The following AUTS2 variants were observed in gnomAD, a reference collection of about 807,000 sequenced individuals.
AUTS2 encodes the protein autism susceptibility gene 2 protein.
AUTS2 carries 17 observed loss-of-function variants against 112.4 expected under a neutral mutation model. The ratio of observed to expected loss-of-function variants is 0.15; its 90% CI spans 0.10 to 0.23. The LOEUF is 0.23. Among genes scored for constraint, AUTS2 ranks in the 10% least tolerant of loss-of-function variants. The probability of loss-of-function intolerance (pLI) is 1.00; values close to 1 mark genes in which losing one functional copy is unlikely to be tolerated. For missense variants in AUTS2, 1,510 were observed against 1,701.6 expected, an observed-to-expected ratio of 0.89 and a Z score of 1.98; for synonymous variants, 751 against 702.7, an observed-to-expected ratio of 1.07 and a Z score of -1.09.
At chr7:70,697,560 T>TTCCCC (rs1554464392) in intron 5 of AUTS2, among the ~76,000 whole-genome samples, 6 of 127,716 alleles carry the variant, frequency 4.7e-5, no homozygotes, top group East Asian at 2.5e-4. Flanking sequence ...ACTTCAGAAT[T>TTCCCC]CCCCCCCCCC....
chr7:70,743,596 A>G (rs561590822), intron 6 of AUTS2, among the ~76,000 whole-genome samples: 3 of 152,212 alleles, frequency 2.0e-5, no homozygotes, highest in Admixed American at 6.5e-5. Flanking sequence ...TTTGTACCCA[A>G]AAAGATTTAA....
intron 1 of AUTS2, among the ~76,000 whole-genome samples, chr7:69,823,067 C>T (rs1421658909): frequency 6.6e-6 from 1 of 152,182 alleles, no homozygotes; most frequent in African/African-American, 2.4e-5. Flanking sequence ...TTTGTCTCCA[C>T]TTCCTAGCAA....
At chr7:70,242,240 T>C (rs1812652021) in intron 4 of AUTS2, among the ~76,000 whole-genome samples, 1 of 152,166 alleles carries the variant, frequency 6.6e-6, no homozygotes, top group South Asian at 2.1e-4. Flanking sequence ...GGAGATTGTG[T>C]GGCTAGAAGG....
intron 5 of AUTS2, among the ~76,000 whole-genome samples, chr7:70,691,835 C>T (rs1463301082): frequency 2.0e-5 from 3 of 150,754 alleles, no homozygotes; most frequent in Admixed American, 6.6e-5. Context: ...TGGCTGAGGC[C>T]GTCATCTGAG....
At chr7:70,515,773 T>C (rs569190182) in intron 5 of AUTS2, among the ~76,000 whole-genome samples, 1 of 152,276 alleles carries the variant, frequency 6.6e-6, no homozygotes, top group Non-Finnish European at 1.5e-5. Context: ...ACAATAAGCA[T>C]TAAATCATGC....
At chr7:69,753,816 C>G (rs1787839316) in intron 1 of AUTS2, among the ~76,000 whole-genome samples, 1 of 152,164 alleles carries the variant, frequency 6.6e-6, no homozygotes, top group African/African-American at 2.4e-5. Context: ...TACTTGGGCT[C>G]CCAGGATTTC....
intron 1 of AUTS2, among the ~76,000 whole-genome samples, chr7:69,705,590 C>T (rs1193422433): frequency 6.6e-6 from 1 of 152,124 alleles, no homozygotes; most frequent in Admixed American, 6.5e-5. Context: ...AAATTGTCAG[C>T]CCTCATTTGG....
At position 70,781,721 on chromosome 7, in the gene AUTS2, A is replaced by C; in HGVS notation, c.2111A>C (p.Asp704Ala). Residue 704 changes from aspartate to alanine, a missense_variant, in exon 15 of 19, where the codon GAC (aspartate) becomes GCC (alanine). Asp to Ala is a moderately radical substitution (Grantham distance 126, BLOSUM62 -2). Transcript: ENST00000342771. ...TTTGGAGCCATCCACCACCCCCATG[A>C]CCTGGCACGGCCTTCAACTTTGTTC... The part of the protein sequence containing the change: ...SLFGAIHHPH[D>A]LARPSTLFSA... 1 of 1,614,110 alleles carries C rather than the reference A, an allele frequency of 6.2e-7. No individual in the cohort carries two copies. Among genetic ancestry groups the C allele is most frequent in the South Asian group, 1.1e-5 (1 of 91,068 alleles).
intron 2 of AUTS2, among the ~76,000 whole-genome samples, chr7:70,078,715 T>TG (rs915398557): frequency 6.6e-6 from 1 of 152,090 alleles, no homozygotes; most frequent in African/African-American, 2.4e-5. Context: ...GGAAGGAGAA[T>TG]GTGGGGGAGA....
intron 1 of AUTS2, among the ~76,000 whole-genome samples, chr7:69,790,865 G>C (rs1789580918): frequency 6.6e-6 from 1 of 152,192 alleles, no homozygotes; most frequent in African/African-American, 2.4e-5. Context: ...TCTTCATGCT[G>C]TGCTGCTGAG....
rs575552180 is a variant in AUTS2, at chr7:70,019,580, T to C, written c.523-98552T>C. Among the ~76,000 whole-genome samples, 7 of 152,318 alleles carry C rather than the reference T, an allele frequency of 4.6e-5. No homozygotes were observed. In the South Asian group the frequency reaches 1.2e-3, roughly 27 times the overall value. ...TCAGTGACATCTAGTAGATTGAACA[T>C]AGGCTCTGAAGCTGAAGCCTCAGGT... is the stretch of plus-strand genomic sequence containing the variant. On this transcript the variant is annotated intron_variant, in intron 2 of 18. Coordinates refer to ENST00000342771, the MANE Select transcript of AUTS2 (RefSeq NM_015570.4).
At chr7:69,756,082 G>T (rs1342446824) in intron 1 of AUTS2, among the ~76,000 whole-genome samples, 5 of 152,202 alleles carry the variant, frequency 3.3e-5, no homozygotes, top group Admixed American at 2.6e-4. Flanking sequence ...TGTGTGACAG[G>T]TAACTGTAGG....
At chr7:69,702,836 A>G (rs547780504) in intron 1 of AUTS2, among the ~76,000 whole-genome samples, 1 of 152,314 alleles carries the variant, frequency 6.6e-6, no homozygotes, top group African/African-American at 2.4e-5. Context: ...GAGGCTCTCC[A>G]AGATCCTCCT....
intron 2 of AUTS2, among the ~76,000 whole-genome samples, chr7:70,071,913 T>C (rs1394345602): frequency 6.6e-6 from 1 of 152,148 alleles, no homozygotes; most frequent in Non-Finnish European, 1.5e-5. Flanking sequence ...TGGAGAATAT[T>C]GATCGCTTGT....
chr7:69,844,223 G>A (rs1792100461), intron 1 of AUTS2, among the ~76,000 whole-genome samples: 2 of 152,150 alleles, frequency 1.3e-5, no homozygotes, highest in Admixed American at 1.3e-4. Flanking sequence ...ACTTATTTAG[G>A]AAAGGAGATT....
intron 4 of AUTS2, among the ~76,000 whole-genome samples, chr7:70,339,780 A>T (rs545698800): frequency 6.6e-6 from 1 of 152,284 alleles, no homozygotes; most frequent in South Asian, 2.1e-4. Flanking sequence ...TGGTTCATGA[A>T]GAGTCTTGAC....
intron 1 of AUTS2, among the ~76,000 whole-genome samples, chr7:69,777,138 T>C (rs1257606122): frequency 6.6e-6 from 1 of 152,236 alleles, no homozygotes; most frequent in Non-Finnish European, 1.5e-5. Flanking sequence ...ACCTTTGCTC[T>C]TGGGCATTTC....
intron 6 of AUTS2, among the ~76,000 whole-genome samples, chr7:70,715,142 T>C (rs1810285035): frequency 6.6e-6 from 1 of 152,210 alleles, no homozygotes; most frequent in Admixed American, 6.5e-5. Flanking sequence ...AAAAAGTAAA[T>C]GCTCAATTCT....
chr7:70,144,907 G>A (rs1048806386), intron 4 of AUTS2, among the ~76,000 whole-genome samples: 5 of 151,962 alleles, frequency 3.3e-5, no homozygotes, highest in African/African-American at 4.8e-5. Flanking sequence ...TCTTAAGAAC[G>A]AGCCTTTATT....
Sources: gnomAD v4.1 joint callset for allele counts (sites outside exome capture counted in the v4.1 genomes callset) on GRCh38, gnomAD v4.1.1 for gene constraint, MANE v1.5 for transcripts, NCBI Gene and HGNC (gene_info 2026-07-23, HGNC 2026-07-21) for gene names.